Variants in STK33 observed in about 807,000 individuals in gnomAD.
STK33 encodes the protein serine/threonine-protein kinase 33.
A neutral mutation model predicts 58.0 loss-of-function variants in STK33; 52 were observed. The ratio of observed to expected loss-of-function variants is 0.90; its 90% CI spans 0.72 to 1.13. The LOEUF is 1.13. Among genes scored for constraint, STK33 ranks in the 50% most tolerant of loss-of-function variants. The pLI, the probability that STK33 is intolerant of heterozygous loss-of-function variation, is 0.00. For missense variants in STK33, 630 were observed against 604.2 expected, an observed-to-expected ratio of 1.04 and a Z score of -0.45; for synonymous variants, 215 against 200.1, an observed-to-expected ratio of 1.07 and a Z score of -0.63.
chr11:8,593,897 C>T (rs886984109), intron 1 of STK33, 186 bp downstream of exon 1: 1 of 152,298 alleles, frequency 6.6e-6, no homozygotes, highest in African/African-American at 2.4e-5. Context: ...CCAGGAGACA[C>T]TCGGAGGGGT....
At chr11:8,422,676 T>C (rs149531206) in intron 14 of STK33, among the ~76,000 whole-genome samples, 135 of 152,300 alleles carry the variant, frequency 8.9e-4, no homozygotes, top group African/African-American at 3.1e-3. Flanking sequence ...ACTATATTTT[T>C]CTAGGAAAAG....
chr11:8,479,649 C>T (rs1486609806), intron 2 of STK33, among the ~76,000 whole-genome samples: 1 of 151,978 alleles, frequency 6.6e-6, no homozygotes, highest in Non-Finnish European at 1.5e-5. Flanking sequence ...TCGAGATCAG[C>T]CTGGCCAATA....
At position 8,498,352 on chromosome 11, in the gene STK33, G is replaced by A. The variant is rs187759649; in HGVS notation, c.-465-17738C>T. ...CTCCCATTCACAATTGCTACAAAGA[G>A]AATAAAATACCTAAGAAAACAACTT... On this transcript the variant is annotated intron_variant, in intron 1 of 15. Coordinates refer to ENST00000687296, the MANE Select transcript of STK33 (RefSeq NM_001352389.2). Among the ~76,000 whole-genome samples, 84 of 152,124 alleles carry A rather than the reference G, an allele frequency of 5.5e-4. 1 individual carries two copies. The highest frequency in any genetic ancestry group is 9.1e-4 in the Non-Finnish European group (62 of 68,006).
chr11:8,371,400 G>A, the STK33 span, among the ~76,000 whole-genome samples: 1 of 152,136 alleles, frequency 6.6e-6, no homozygotes, highest in Non-Finnish European at 1.5e-5. Flanking sequence ...AGGCAAGGAC[G>A]GATCCTGCCC....
At chr11:8,582,425 C>T in intron 1 of STK33, among the ~76,000 whole-genome samples, 1 of 152,152 alleles carries the variant, frequency 6.6e-6, no homozygotes, top group Non-Finnish European at 1.5e-5. Flanking sequence ...TTCAGCATGG[C>T]TTGGGAGGCC....
chr11:8,507,621 G>T (rs763042903), intron 1 of STK33, among the ~76,000 whole-genome samples: 1 of 151,982 alleles, frequency 6.6e-6, no homozygotes, highest in South Asian at 2.1e-4. Context: ...CTAAATAAGG[G>T]GGATGGGGGG....
intron 1 of STK33, among the ~76,000 whole-genome samples, chr11:8,582,214 AC>A (rs938044490): frequency 1.3e-4 from 20 of 152,342 alleles, no homozygotes; most frequent in African/African-American, 4.3e-4. Flanking sequence ...AAACAAAAAA[AC>A]ATTTTCTTAT....
At chr11:8,454,233 A>C (rs1946597310) in intron 10 of STK33, among the ~76,000 whole-genome samples, 1 of 152,244 alleles carries the variant, frequency 6.6e-6, no homozygotes. Flanking sequence ...GGTGCTAAAT[A>C]ATGTATCGTA....
At chr11:8,493,877 G>T (rs972036331) in intron 1 of STK33, among the ~76,000 whole-genome samples, 3 of 152,072 alleles carry the variant, frequency 2.0e-5, no homozygotes, top group African/African-American at 7.2e-5. Flanking sequence ...TGCAGAAAAG[G>T]ACTTTGACAA....
chr11:8,564,894 A>C (rs778996072), intron 1 of STK33, among the ~76,000 whole-genome samples: 7 of 152,240 alleles, frequency 4.6e-5, no homozygotes, highest in Non-Finnish European at 8.8e-5. Flanking sequence ...TCCTAAGCAG[A>C]AAGAGATCTA....
the STK33 span, among the ~76,000 whole-genome samples, chr11:8,379,763 C>T: frequency 6.6e-6 from 1 of 151,988 alleles, no homozygotes; most frequent in Admixed American, 6.6e-5. Flanking sequence ...TTTTCTGATC[C>T]TCTCCCTCCA....
chr11:8,591,393 T>C (rs1203801957), intron 1 of STK33, among the ~76,000 whole-genome samples: 1 of 152,230 alleles, frequency 6.6e-6, no homozygotes, highest in Non-Finnish European at 1.5e-5. Flanking sequence ...GGGAAGGACT[T>C]TCTAAGCGTA....
At chr11:8,411,726 G>A (rs1038894087) in intron 15 of STK33, among the ~76,000 whole-genome samples, 2 of 152,092 alleles carry the variant, frequency 1.3e-5, no homozygotes, top group African/African-American at 4.8e-5. Context: ...TGTTACCCAC[G>A]GCCCAGCCTT....
the STK33 span, among the ~76,000 whole-genome samples, chr11:8,359,540 G>A: frequency 1.3e-5 from 2 of 152,230 alleles, no homozygotes; most frequent in Non-Finnish European, 2.9e-5. Flanking sequence ...GCATGATGCT[G>A]GGTGGTCCGG....
At chr11:8,508,915 G>C (rs546529115) in intron 1 of STK33, among the ~76,000 whole-genome samples, 1 of 151,952 alleles carries the variant, frequency 6.6e-6, no homozygotes, top group African/African-American at 2.4e-5. Context: ...TCGAGAGTTC[G>C]AGACCAGCCT....
chr11:8,362,675 T>C, the STK33 span, among the ~76,000 whole-genome samples: 10 of 152,338 alleles, frequency 6.6e-5, no homozygotes, highest in East Asian at 1.7e-3. Flanking sequence ...AAGGCATTAA[T>C]GGGGTGTCGC....
At chr11:8,379,387 A>T in the STK33 span, among the ~76,000 whole-genome samples, 4 of 152,210 alleles carry the variant, frequency 2.6e-5, no homozygotes. Context: ...ATATTAGCAA[A>T]CTATGCATCA....
At chr11:8,367,572 T>C in the STK33 span, among the ~76,000 whole-genome samples, 1 of 152,144 alleles carries the variant, frequency 6.6e-6, no homozygotes, top group Non-Finnish European at 1.5e-5. Flanking sequence ...ACTCACCAAA[T>C]AAATGGAGTA....
chr11:8,397,508 G>T (rs137885544), intron 15 of STK33, among the ~76,000 whole-genome samples: 7,229 of 152,182 alleles, frequency 0.048, 251 homozygotes, highest in Non-Finnish European at 0.064. Context: ...CACAAAGATG[G>T]GGAAAAACCA....
Sources: allele counts gnomAD v4.1 joint callset (sites outside exome capture counted in the v4.1 genomes callset), GRCh38; gene constraint gnomAD v4.1.1; transcripts MANE v1.5; gene names NCBI Gene and HGNC (gene_info 2026-07-23, HGNC 2026-07-21).